PPP2R2A: variants seen among roughly 807,000 people sequenced by gnomAD.
The protein encoded by PPP2R2A is serine/threonine-protein phosphatase 2A 55 kDa regulatory subunit B alpha isoform.
Under a neutral mutation model 53.2 loss-of-function variants are expected in PPP2R2A, and 9 were observed. That is an observed-to-expected ratio of 0.17 (90% confidence interval 0.10 to 0.30). The LOEUF is 0.30. Ranked by LOEUF, PPP2R2A falls within the 10% of genes least tolerant of loss-of-function variation. The pLI, the probability that PPP2R2A is intolerant of heterozygous loss-of-function variation, is 1.00. For synonymous variants in PPP2R2A, 169 were observed against 174.2 expected, an observed-to-expected ratio of 0.97 and a Z score of 0.23; for missense variants, 235 against 534.6, an observed-to-expected ratio of 0.44 and a Z score of 5.53.
chr8:26,352,779 T>G (rs1258952738), intron 3 of PPP2R2A, among the ~76,000 whole-genome samples: 1 of 152,222 alleles, frequency 6.6e-6, no homozygotes, highest in Non-Finnish European at 1.5e-5. Context: ...ATATTTCTGT[T>G]GTTTTGTGCT....
At chr8:26,343,657 C>T (rs1419482837) in intron 3 of PPP2R2A, among the ~76,000 whole-genome samples, 2 of 152,022 alleles carry the variant, frequency 1.3e-5, no homozygotes, top group African/African-American at 2.4e-5. Flanking sequence ...AAGTGTTGAG[C>T]GTGAGCCACC....
At chr8:26,293,823 C>G (rs758987364) in intron 2 of PPP2R2A, 83 bp downstream of exon 2, 5 of 1,230,892 alleles carry the variant, frequency 4.1e-6, no homozygotes, top group African/African-American at 1.5e-5. Flanking sequence ...GAAGCCGAGA[C>G]TGCTATAAAT....
chr8:26,334,572 C>T (rs568276510), intron 2 of PPP2R2A, among the ~76,000 whole-genome samples: 64 of 152,042 alleles, frequency 4.2e-4, no homozygotes, highest in African/African-American at 1.5e-3. Flanking sequence ...GGTGAAACCC[C>T]GCCTCTACTA....
chr8:26,370,778 A>G lies in PPP2R2A; in HGVS notation c.*365A>G. ...GCCTTCAGTCATGCTATGGGATTTA[A>G]TTGTGTATCCTCATTACTGTATCAT... On this transcript the variant is annotated 3_prime_UTR_variant, in exon 10 of 10. Transcript: ENST00000380737. This position sits in a 1 kb window ranked among gnomAD's most constrained non-coding sequence, Gnocchi z 6.1. 7.4e-6 allele frequency: 2 copies of G among 268,808 alleles called. No individual in the cohort carries two copies. The highest frequency in any genetic ancestry group is 9.3e-5 in the South Asian group (2 of 21,430). 16.7% of individuals were successfully genotyped at this position (268,808 alleles called of 1,614,324 possible).
rs1802836908 is a variant in PPP2R2A at position 26,321,485 on chromosome 8, G to A, written c.83-17405G>A. 6.6e-6 allele frequency among the ~76,000 whole-genome samples: 1 copy of A among 152,174 alleles called. No homozygotes were observed. Reference sequence around the variant, plus strand: ...CCTCTCGTGACTTGCTTCCACAAGTGGGGCAAGATGCTGGGATGCTGCTTC... The same window carrying A: ...CCTCTCGTGACTTGCTTCCACAAGTAGGGCAAGATGCTGGGATGCTGCTTC... On this transcript the variant is annotated intron_variant, in intron 2 of 9. Coordinates refer to ENST00000380737, the MANE Select transcript of PPP2R2A (RefSeq NM_002717.4). The surrounding 1 kb of genome is among the most constrained non-coding windows in gnomAD (Gnocchi z 4.1).
intron 2 of PPP2R2A, among the ~76,000 whole-genome samples, chr8:26,331,791 A>G (rs1450710896): frequency 1.3e-5 from 2 of 152,198 alleles, no homozygotes; most frequent in Non-Finnish European, 2.9e-5. Context: ...TACTCAATAG[A>G]ATTTTCACAA....
At chr8:26,358,956 G>A (rs1385740687) in intron 4 of PPP2R2A, 1 of 456,002 alleles carries the variant, frequency 2.2e-6, no homozygotes. Flanking sequence ...TATGGCAAGG[G>A]TGAAAGAGTC....
intron 2 of PPP2R2A, chr8:26,298,473 A>G (rs1801638669): frequency 6.6e-6 from 1 of 152,104 alleles, no homozygotes; most frequent in African/African-American, 2.4e-5. Flanking sequence ...TATCACCCCC[A>G]TTTCTGTCCC....
At chr8:26,355,342 C>T (rs969622560) in intron 4 of PPP2R2A, among the ~76,000 whole-genome samples, 3 of 152,244 alleles carry the variant, frequency 2.0e-5, no homozygotes, top group Middle Eastern at 3.4e-3. Flanking sequence ...ACTGCAGCCT[C>T]GACCTCCCTA....
chr8:26,331,366 G>A (rs1215417911), intron 2 of PPP2R2A, among the ~76,000 whole-genome samples: 1 of 151,994 alleles, frequency 6.6e-6, no homozygotes, highest in Non-Finnish European at 1.5e-5. Flanking sequence ...ACTCCTTTGT[G>A]GCCAGAAACA....
Position 26,338,906 on chromosome 8 carries a change from A to G in PPP2R2A, c.99A>G (p.Thr33=), listed in dbSNP as rs1411762390. The G allele has an allele frequency of 6.3e-7, 1 of 1,593,582 alleles. No individual in the cohort carries two copies. Among genetic ancestry groups the G allele is most frequent in the South Asian group, 1.1e-5 (1 of 90,426 alleles). ...ATTATACAGCAGATATAATTTCTAC[A>G]GTAGAATTTAATCATTCTGGAGAAT... ...DDVAEADIIS[T]VEFNHSGELL... Residue 33 remains threonine, a synonymous_variant, in exon 3 of 10, where the codon ACA becomes ACG. Coordinates refer to ENST00000380737, the MANE Select transcript of PPP2R2A (RefSeq NM_002717.4). The surrounding 1 kb of genome is among the most constrained non-coding windows in gnomAD (Gnocchi z 4.5).
chr8:26,364,568 T>A (rs970946531), intron 8 of PPP2R2A, among the ~76,000 whole-genome samples: 4 of 152,228 alleles, frequency 2.6e-5, no homozygotes, highest in African/African-American at 9.6e-5. Flanking sequence ...ATCACTTAAC[T>A]CTAATTTATA....
At chr8:26,308,073 G>A (rs1002264479) in intron 2 of PPP2R2A, among the ~76,000 whole-genome samples, 1 of 152,248 alleles carries the variant, frequency 6.6e-6, no homozygotes, top group Admixed American at 6.5e-5. Context: ...ACATTATGCA[G>A]TAGTCTGTTA....
chr8:26,348,062 T>C (rs1012845909), intron 3 of PPP2R2A, among the ~76,000 whole-genome samples: 4 of 152,280 alleles, frequency 2.6e-5, no homozygotes, highest in African/African-American at 4.8e-5. Context: ...ACTGACTCTT[T>C]TAAAATACTT....
intron 3 of PPP2R2A, among the ~76,000 whole-genome samples, chr8:26,344,619 C>A (rs937553375): frequency 6.6e-6 from 1 of 152,180 alleles, no homozygotes; most frequent in Admixed American, 6.5e-5. Flanking sequence ...TTTGCCCAGC[C>A]ATCTCTTCTT....
Position 26,354,428 on chromosome 8 carries a change from T to C in PPP2R2A, c.181-40T>C, listed in dbSNP as rs1183302599. Reference sequence around the variant, plus strand: ...TTACATATTTGATTATTTTGAAATATTTTTCAACAATGGTCCATATATTTT... The same window carrying C: ...TTACATATTTGATTATTTTGAAATACTTTTCAACAATGGTCCATATATTTT... On this transcript the variant is annotated intron_variant, in intron 3 of 9. Transcript: ENST00000380737. The surrounding 1 kb of genome is among the most constrained non-coding windows in gnomAD (Gnocchi z 4.6). The C allele has an allele frequency of 5.6e-6, 8 of 1,421,322 alleles. No individual in the cohort carries two copies. The South Asian group carries it at 6.3e-5, about 11-fold the overall frequency. 88.0% of individuals were successfully genotyped at this position (1,421,322 alleles called of 1,614,324 possible).
chr8:26,301,429 C>T (rs948087696), intron 2 of PPP2R2A, among the ~76,000 whole-genome samples: 5 of 151,158 alleles, frequency 3.3e-5, no homozygotes, highest in Admixed American at 3.3e-4. Flanking sequence ...ACCTCCCAGG[C>T]TCAAGCGATC....
chr8:26,363,980 G>A, intron 8 of PPP2R2A, 90 bp downstream of exon 8: 2 of 1,233,128 alleles, frequency 1.6e-6, no homozygotes, highest in Non-Finnish European at 2.2e-6. Context: ...TTTAATCCCT[G>A]TATGGTGTTT....
chr8:26,351,546 C>A (rs6557915), intron 3 of PPP2R2A, among the ~76,000 whole-genome samples: 110,010 of 152,056 alleles, frequency 0.72, 40,093 homozygotes, highest in East Asian at 0.87. Context: ...CTCTTGGGTC[C>A]TGTTATCCTA....
Sources: gnomAD v4.1 joint callset for allele counts (sites outside exome capture counted in the v4.1 genomes callset) on GRCh38, gnomAD v4.1.1 for gene constraint, Gnocchi (gnomAD v3.1) non-coding constraint, MANE v1.5 for transcripts, NCBI Gene and HGNC (gene_info 2026-07-23, HGNC 2026-07-21) for gene names.